The following CDKAL1 variants were observed in gnomAD, a reference collection of about 807,000 sequenced individuals.
The protein encoded by CDKAL1 is threonylcarbamoyladenosine tRNA methylthiotransferase.
CDKAL1 carries 32 observed loss-of-function variants against 68.2 expected under a neutral mutation model. That is an observed-to-expected ratio of 0.47 (90% CI 0.35 to 0.63). The LOEUF is 0.63. Among genes scored for constraint, CDKAL1 ranks in the 30% least tolerant of loss-of-function variants. CDKAL1 has a pLI of 0.00. For synonymous variants in CDKAL1, 234 were observed against 244.3 expected (o/e 0.96, Z 0.39); for missense variants, 606 against 696.7 (o/e 0.87, Z 1.47).
chr6:20,663,536 T>C (rs1338046980), intron 5 of CDKAL1, among the ~76,000 whole-genome samples: 1 of 152,118 alleles, frequency 6.6e-6, no homozygotes, highest in Non-Finnish European at 1.5e-5. Flanking sequence ...TTACTCTGAG[T>C]GGTCTCTGAT....
chr6:20,859,119 CTA>C (rs1350080523), intron 9 of CDKAL1, among the ~76,000 whole-genome samples: 1 of 151,686 alleles, frequency 6.6e-6, no homozygotes, highest in Non-Finnish European at 1.5e-5. Flanking sequence ...AGAAATTTGA[CTA>C]TTTGAAACAT....
At chr6:20,826,907 A>G (rs1777524797) in intron 8 of CDKAL1, among the ~76,000 whole-genome samples, 1 of 152,132 alleles carries the variant, frequency 6.6e-6, no homozygotes, top group Non-Finnish European at 1.5e-5. Context: ...TTGGCCATTA[A>G]TCTTTGTGAC....
intron 8 of CDKAL1, among the ~76,000 whole-genome samples, chr6:20,793,356 G>T (rs1222941447): frequency 6.6e-6 from 1 of 152,120 alleles, no homozygotes; most frequent in Non-Finnish European, 1.5e-5. Flanking sequence ...GTCAGTAGCG[G>T]CGTTGATGTT....
intron 9 of CDKAL1, among the ~76,000 whole-genome samples, chr6:20,895,385 G>A (rs1323698285): frequency 2.6e-5 from 4 of 152,124 alleles, no homozygotes; most frequent in Non-Finnish European, 5.9e-5. Flanking sequence ...GAAATTGTGG[G>A]TTAATGAATA....
intron 9 of CDKAL1, among the ~76,000 whole-genome samples, chr6:20,854,335 C>T (rs9465921): frequency 8.5e-5 from 13 of 152,126 alleles, no homozygotes; most frequent in African/African-American, 2.9e-4. Flanking sequence ...TCTGTTATGC[C>T]GAAGTCTCTG....
At chr6:20,585,352 G>A (rs1468089906) in intron 4 of CDKAL1, among the ~76,000 whole-genome samples, 1 of 152,032 alleles carries the variant, frequency 6.6e-6, no homozygotes, top group African/African-American at 2.4e-5. Flanking sequence ...GCGCCCGGCC[G>A]ATAATCTTGT....
At chr6:20,827,161 A>G (rs1283963522) in intron 8 of CDKAL1, among the ~76,000 whole-genome samples, 1 of 152,194 alleles carries the variant, frequency 6.6e-6, no homozygotes, top group Non-Finnish European at 1.5e-5. Context: ...GGTTAAGAGC[A>G]TAGATGTTGG....
chr6:20,759,487 A>G (rs1408996269), intron 7 of CDKAL1, among the ~76,000 whole-genome samples: 1 of 152,212 alleles, frequency 6.6e-6, no homozygotes, highest in Non-Finnish European at 1.5e-5. Flanking sequence ...GGCTGCAGTG[A>G]ACAGTGATTG....
chr6:20,924,804 A>G (rs907853849), intron 9 of CDKAL1, among the ~76,000 whole-genome samples: 19 of 152,380 alleles, frequency 1.2e-4, no homozygotes, highest in African/African-American at 4.3e-4. Context: ...CAGAAGGTCT[A>G]AGACCATCGA....
chr6:20,842,679 A>T (rs1043798312), intron 8 of CDKAL1, among the ~76,000 whole-genome samples: 48 of 152,258 alleles, frequency 3.2e-4, no homozygotes, highest in African/African-American at 1.1e-3. Flanking sequence ...TAAAAATACA[A>T]AATTAGCCAG....
intron 12 of CDKAL1, among the ~76,000 whole-genome samples, chr6:21,074,601 A>G (rs1771964532): frequency 6.6e-6 from 1 of 152,136 alleles, no homozygotes. Flanking sequence ...AAAATGGTGA[A>G]ACTTGAGAGA....
At chr6:20,558,794 GGAA>G in intron 4 of CDKAL1, 2 of 343,822 alleles carry the variant, frequency 5.8e-6, no homozygotes, top group Non-Finnish European at 1.1e-5. Context: ...ATTGAAGAGT[GGAA>G]GAAAAGTCGA....
chr6:20,568,753 A>C (rs6935465), intron 4 of CDKAL1, among the ~76,000 whole-genome samples: 56,212 of 127,072 alleles, frequency 0.44, 12,576 homozygotes, highest in East Asian at 0.56. Flanking sequence ...AAAAAAAACA[A>C]AAAAACAAAA....
chr6:21,202,810 C>G (rs1471183407), intron 15 of CDKAL1, among the ~76,000 whole-genome samples: 1 of 152,124 alleles, frequency 6.6e-6, no homozygotes, highest in East Asian at 1.9e-4. Context: ...TTTAAATTCT[C>G]TGGGGCACCC....
At chr6:21,189,292 C>G (rs1196376119) in intron 13 of CDKAL1, among the ~76,000 whole-genome samples, 1 of 152,122 alleles carries the variant, frequency 6.6e-6, no homozygotes, top group Non-Finnish European at 1.5e-5. Flanking sequence ...ATTTTTCTTT[C>G]TACTTAGGTT....
At chr6:20,535,475 T>C (rs1002740350) in intron 2 of CDKAL1, 81 bp downstream of exon 2, 7 of 152,450 alleles carry the variant, frequency 4.6e-5, no homozygotes, top group African/African-American at 1.7e-4. Flanking sequence ...GGTAGCCTAA[T>C]GTTTTAGCTA....
intron 7 of CDKAL1, among the ~76,000 whole-genome samples, chr6:20,765,973 G>GT (rs747249967): frequency 2.6e-4 from 40 of 152,068 alleles, no homozygotes; most frequent in Admixed American, 5.9e-4. Context: ...AGTTCACTGG[G>GT]TTTTTTTAAA....
intron 13 of CDKAL1, among the ~76,000 whole-genome samples, chr6:21,120,716 T>C (rs916678733): frequency 3.3e-5 from 5 of 152,242 alleles, no homozygotes; most frequent in Non-Finnish European, 7.3e-5. Flanking sequence ...GAAAGTCTTC[T>C]GTTTCTTTTT....
rs55999857 is a variant in CDKAL1, at chr6:20,612,990, TACACACACACACACACACACACACACAC to T, written c.287-36275_287-36248del. Among the ~76,000 whole-genome samples the T allele has an allele frequency of 2.2e-3, 283 of 130,056 alleles. 1 individual carries two copies. The highest frequency in any genetic ancestry group is 0.018 in the Admixed American group (220 of 12,120). 85.3% of individuals were successfully genotyped at this position (130,056 alleles called of 152,430 possible). A position where few individuals can be genotyped will look rare whatever the true frequency, so the allele number is the denominator to read the frequency against. On this transcript the variant is annotated intron_variant, in intron 4 of 15. Coordinates refer to ENST00000274695, the MANE Select transcript of CDKAL1 (RefSeq NM_017774.3). ...TGAAGAAACTCATTGTTGCAATTTC[TACACACACACACACACACACACACACAC>T]ACACACACACACACACACACACACA...
Sources: gnomAD v4.1 joint callset for allele counts (sites outside exome capture counted in the v4.1 genomes callset) on GRCh38, gnomAD v4.1.1 for gene constraint, MANE v1.5 for transcripts, NCBI Gene and HGNC (gene_info 2026-07-23, HGNC 2026-07-21) for gene names.